Variants in TLL2 observed in about 807,000 individuals in gnomAD.
TLL2 encodes the protein tolloid like 2.
In TLL2, 106 loss-of-function variants were observed where a neutral mutation model predicts 123.0. That is an observed-to-expected ratio of 0.86 (90% CI 0.74 to 1.01). TLL2 has a LOEUF of 1.01. Ranked by LOEUF, TLL2 falls within the 50% of genes least tolerant of loss-of-function variation. The probability of loss-of-function intolerance (pLI) is 0.00; values close to 1 mark genes in which losing one functional copy is unlikely to be tolerated. For missense variants in TLL2, 1,332 were observed against 1,336.7 expected, an observed-to-expected ratio of 1.00 and a Z score of 0.06; for synonymous variants, 494 against 516.8, an observed-to-expected ratio of 0.96 and a Z score of 0.60.
chr10:96,397,082 G>T, intron 11 of TLL2, 104 bp downstream of exon 11: 1 of 1,011,610 alleles, frequency 9.9e-7, no homozygotes, highest in Non-Finnish European at 1.4e-6. Flanking sequence ...CCACCCCTGT[G>T]GCTCTGGCCT....
At chr10:96,425,259 T>TTCTCTC (rs5787184) in intron 5 of TLL2, among the ~76,000 whole-genome samples, 2,496 of 144,290 alleles carry the variant, frequency 0.017, 76 homozygotes, top group African/African-American at 0.056. Flanking sequence ...CATTACTGTT[T>TTCTCTC]TCTCTCTCTC....
chr10:96,386,023 A>G lies in TLL2; in HGVS notation c.2013+32T>C, dbSNP rs1163695495. The stretch of plus-strand genomic sequence containing the variant: ...CCAGCTCTGAGTCACCCCTCAATAC[A>G]GTCCCCAATCAATTAGAGCATGGAG... On this transcript the variant is annotated intron_variant, in intron 15 of 20. Coordinates refer to ENST00000357947, the MANE Select transcript of TLL2 (RefSeq NM_012465.4). The G allele has an allele frequency of 2.6e-6, 4 of 1,540,544 alleles. No individual in the cohort carries two copies. The African/African-American group carries it at 4.1e-5, about 16-fold the overall frequency.
chr10:96,416,682 T>A (rs1250241931), intron 7 of TLL2, among the ~76,000 whole-genome samples: 1 of 152,194 alleles, frequency 6.6e-6, no homozygotes, highest in Non-Finnish European at 1.5e-5. Flanking sequence ...CAACATTGGC[T>A]CACACTCAGA....
chr10:96,377,131 TG>T (rs1311675128), intron 17 of TLL2, among the ~76,000 whole-genome samples: 1 of 152,246 alleles, frequency 6.6e-6, no homozygotes, highest in Non-Finnish European at 1.5e-5. Flanking sequence ...GCCCATGTCC[TG>T]GTTCTGCCAC....
intron 7 of TLL2, among the ~76,000 whole-genome samples, chr10:96,417,037 C>T (rs2134073357): frequency 6.6e-6 from 1 of 152,276 alleles, no homozygotes; most frequent in South Asian, 2.1e-4. Context: ...CTGCAATAAA[C>T]TAGAGAGAAT....
intron 1 of TLL2, among the ~76,000 whole-genome samples, chr10:96,510,196 C>T (rs1251994195): frequency 3.3e-5 from 5 of 152,144 alleles, no homozygotes; most frequent in Non-Finnish European, 7.3e-5. Context: ...AGGAACAGTC[C>T]TCCCAAGCTT....
intron 18 of TLL2, 34 bp from the exon 19 acceptor site, chr10:96,373,843 C>T: frequency 3.1e-6 from 5 of 1,599,404 alleles, no homozygotes; most frequent in Non-Finnish European, 4.3e-6. Flanking sequence ...AAGGCAAGGG[C>T]CTGGCGTTCA....
chr10:96,377,833 G>T (rs896759311), intron 17 of TLL2, among the ~76,000 whole-genome samples: 1 of 152,238 alleles, frequency 6.6e-6, no homozygotes, highest in Admixed American at 6.5e-5. Context: ...TCAGCTCCTG[G>T]GACATTTGCT....
chr10:96,493,447 G>A (rs190659380), intron 1 of TLL2, among the ~76,000 whole-genome samples: 158 of 152,312 alleles, frequency 1.0e-3, no homozygotes, highest in African/African-American at 3.6e-3. Flanking sequence ...GCCCTGGGGT[G>A]AGAAAGAGCA....
intron 1 of TLL2, among the ~76,000 whole-genome samples, chr10:96,509,377 C>G (rs1005395726): frequency 6.6e-6 from 1 of 152,230 alleles, no homozygotes; most frequent in African/African-American, 2.4e-5. Flanking sequence ...AAGGAGCAGA[C>G]AGTGAAGGGC....
At chr10:96,448,359 C>T (rs998816122) in intron 2 of TLL2, among the ~76,000 whole-genome samples, 18 of 152,206 alleles carry the variant, frequency 1.2e-4, no homozygotes, top group Non-Finnish European at 2.9e-5. Context: ...AAATGTACCA[C>T]CTGTGGTGTG....
chr10:96,424,228 A>C (rs1399274994), intron 5 of TLL2, among the ~76,000 whole-genome samples: 3 of 152,174 alleles, frequency 2.0e-5, no homozygotes, highest in Non-Finnish European at 2.9e-5. Context: ...GAAAGCATGA[A>C]TAAGATATAC....
intron 16 of TLL2, among the ~76,000 whole-genome samples, chr10:96,383,183 A>G (rs1009025540): frequency 2.6e-5 from 4 of 152,318 alleles, no homozygotes; most frequent in African/African-American, 9.6e-5. Context: ...CACGCTAAGG[A>G]GAATGGGCTT....
intron 1 of TLL2, among the ~76,000 whole-genome samples, chr10:96,502,542 T>G: frequency 6.6e-6 from 1 of 151,796 alleles, no homozygotes; most frequent in East Asian, 1.9e-4. Flanking sequence ...AAGAGGGAAG[T>G]CAGGTGTCCA....
intron 16 of TLL2, among the ~76,000 whole-genome samples, chr10:96,379,939 AC>A (rs1384736846): frequency 6.6e-6 from 1 of 152,108 alleles, no homozygotes; most frequent in African/African-American, 2.4e-5. Context: ...CCGCGACTCC[AC>A]CCCGCCCTCT....
intron 2 of TLL2, 79 bp from the exon 3 acceptor site, chr10:96,446,247 C>T: frequency 7.4e-7 from 1 of 1,351,156 alleles, no homozygotes; most frequent in South Asian, 1.2e-5. Context: ...GGGAGCAAAC[C>T]TGGTCACCTG....
chr10:96,410,386 C>T lies in TLL2; in HGVS notation c.1137G>A (p.Trp379Ter). The change falls in exon 9 of 21, where the codon TGG (tryptophan) becomes TGA (stop). Residue 379 changes from tryptophan (W) to a stop codon, truncating the protein, a stop_gained. Transcript: ENST00000357947. LOFTEE classifies it high-confidence loss of function. ...NGYPSYSHCV[W>*]RISVTPGEKI... ...TTTCCCCTGGGGTGACCGAGATCCT[C>T]CAGACGCAGTGGGAGTAAGATGGGT... is the stretch of plus-strand genomic sequence containing the variant. The T allele has an allele frequency of 1.2e-6, 2 of 1,613,672 alleles. No individual in the cohort carries two copies. The highest frequency in any genetic ancestry group is 1.7e-6 in the Non-Finnish European group (2 of 1,180,012).
intron 2 of TLL2, among the ~76,000 whole-genome samples, chr10:96,457,960 A>C (rs1181957754): frequency 6.6e-6 from 1 of 152,014 alleles, no homozygotes; most frequent in Non-Finnish European, 1.5e-5. Context: ...TCTCCCCAAC[A>C]CCTTCTAAAA....
At chr10:96,382,617 G>A (rs560243557) in intron 16 of TLL2, among the ~76,000 whole-genome samples, 1 of 152,372 alleles carries the variant, frequency 6.6e-6, no homozygotes, top group Non-Finnish European at 1.5e-5. Flanking sequence ...GGTCATGAGA[G>A]CTCATTATTG....
Sources: gnomAD v4.1 joint callset for allele counts (sites outside exome capture counted in the v4.1 genomes callset) on GRCh38, gnomAD v4.1.1 for gene constraint, MANE v1.5 for transcripts, NCBI Gene and HGNC (gene_info 2026-07-23, HGNC 2026-07-21) for gene names.